Variants in PIAS4 observed in about 807,000 individuals in gnomAD.
PIAS4 encodes the protein E3 SUMO-protein ligase PIAS4.
Under a neutral mutation model 58.0 loss-of-function variants are expected in PIAS4, and 7 were observed. The ratio of observed to expected loss-of-function variants is 0.12; its 90% CI spans 0.07 to 0.23. The LOEUF is 0.23. Ranked by LOEUF, PIAS4 falls within the 10% of genes least tolerant of loss-of-function variation. The pLI is 1.00. For synonymous variants in PIAS4, 364 were observed against 312.4 expected (o/e 1.17, Z -1.74); for missense variants, 550 against 709.5 (o/e 0.78, Z 2.55).
rs531758105 is a variant in PIAS4, at chr19:4,016,301, C to T, written c.454+2952C>T. On this transcript the variant is annotated intron_variant, in intron 2 of 10. Transcript: ENST00000262971. ...GAGCTGCTCCTCCAGGGTCTTGGCC[C>T]GCAGCGGGCACCCCGAGGAATCTGC... 1.2e-4 allele frequency among the ~76,000 whole-genome samples: 19 copies of T among 152,350 alleles called. No homozygotes were observed. The South Asian group carries it at 3.1e-3, about 25-fold the overall frequency.
chr19:4,010,579 TC>T (rs1382020210), intron 1 of PIAS4, among the ~76,000 whole-genome samples: 1 of 152,338 alleles, frequency 6.6e-6, no homozygotes, highest in Admixed American at 6.5e-5. Context: ...ACCATGCAGG[TC>T]CCCATAGCCA....
intron 1 of PIAS4, among the ~76,000 whole-genome samples, chr19:4,011,777 G>T (rs1258815678): frequency 0.012 from 183 of 15,400 alleles, 18 homozygotes; most frequent in Middle Eastern, 0.05. Flanking sequence ...GAGGTGTGTG[G>T]GGTGTGGAGG....
At chr19:4,032,944 A>G (rs1291868497) in intron 7 of PIAS4, among the ~76,000 whole-genome samples, 156 bp from the exon 8 acceptor site, 6 of 152,062 alleles carry the variant, frequency 3.9e-5, no homozygotes, top group Admixed American at 3.3e-4. Flanking sequence ...GCTTTCTCCA[A>G]TCCCTCACGG....
intron 9 of PIAS4, 34 bp downstream of exon 9, chr19:4,033,614 C>T (rs755995611): frequency 6.4e-7 from 1 of 1,556,696 alleles, no homozygotes; most frequent in Non-Finnish European, 8.7e-7. Flanking sequence ...GCGGCCGGAG[C>T]CGGACATCCG....
rs137864303 is a variant in PIAS4 at position 4,028,955 on chromosome 19, G to A, written c.826G>A (p.Val276Met). The A allele has an allele frequency of 1.2e-6, 2 of 1,611,922 alleles. No homozygotes were observed. The highest frequency in any genetic ancestry group is 2.7e-5 in the African/African-American group (2 of 74,980). Reference protein sequence around the residue: ...GKSYSVALYLVRQLTSSELLQ... With the variant: ...GKSYSVALYLMRQLTSSELLQ... Reference sequence around the variant, plus strand: ...GAGCTACTCGGTGGCCCTGTACCTGGTGCGGCAGCTGACCTCATCGGAGCT... The same window carrying A: ...GAGCTACTCGGTGGCCCTGTACCTGATGCGGCAGCTGACCTCATCGGAGCT... The change falls in exon 7 of 11, where the codon GTG becomes ATG. Residue 276 changes from valine to methionine, a missense_variant. Val to Met is a conservative substitution (Grantham distance 21). Transcript: ENST00000262971.
chr19:4,013,168 C>T lies in PIAS4; in HGVS notation c.273C>T (p.Asp91=), dbSNP rs2040014718. The T allele has an allele frequency of 1.2e-6, 2 of 1,613,356 alleles. No individual in the cohort carries two copies. Among genetic ancestry groups the T allele is most frequent in the Non-Finnish European group, 1.7e-6 (2 of 1,180,026 alleles). Residue 91 remains aspartate, a synonymous_variant, in exon 2 of 11, where the codon GAC becomes GAT. Coordinates refer to ENST00000262971, the MANE Select transcript of PIAS4 (RefSeq NM_015897.4). This position sits in a 1 kb window ranked among gnomAD's most constrained non-coding sequence, Gnocchi z 5.1. ...CCCTGACCATGCACTCCACCTACGA[C>T]CGGGCCGGCGCTGTGCCCAGGACTC... ...LDPLTMHSTY[D]RAGAVPRTPL...
chr19:4,028,681 C>G (rs558418315), intron 5 of PIAS4, 39 bp from the exon 6 acceptor site: 2 of 1,603,448 alleles, frequency 1.2e-6, no homozygotes, highest in East Asian at 4.5e-5. Context: ...ATTTCCCAGC[C>G]GCTCTTGGCT....
chr19:4,025,250 GAC>G (rs1245568845), intron 3 of PIAS4, among the ~76,000 whole-genome samples: 1 of 152,180 alleles, frequency 6.6e-6, no homozygotes, highest in Non-Finnish European at 1.5e-5. Flanking sequence ...GATGTCCCCA[GAC>G]ACAGCTCGGT....
chr19:4,023,331 T>G (rs1568216045), intron 2 of PIAS4, among the ~76,000 whole-genome samples: 1 of 151,928 alleles, frequency 6.6e-6, no homozygotes, highest in African/African-American at 2.4e-5. Context: ...ATACAAAAAT[T>G]AGCCAGGCTT....
At chr19:4,027,208 G>A (rs1286981928) in intron 3 of PIAS4, among the ~76,000 whole-genome samples, 3 of 151,998 alleles carry the variant, frequency 2.0e-5, no homozygotes, top group African/African-American at 7.3e-5. Flanking sequence ...GGCTTGTCTC[G>A]AACTCCTGAC....
rs753390551 is a variant in PIAS4, at chr19:4,033,192, C to G, written c.981+19C>G. On this transcript the variant is annotated intron_variant, in intron 8 of 10. Transcript: ENST00000262971. ...CTGTCCGGTGAGTCGGGGCGCGGTC[C>G]CCTCCTCGAGGCCTCTCCTGCGGCC... is the stretch of plus-strand genomic sequence containing the variant. The G allele has an allele frequency of 6.2e-7, 1 of 1,601,066 alleles. No homozygotes were observed. The highest frequency in any genetic ancestry group is 1.1e-5 in the South Asian group (1 of 90,974).
intron 3 of PIAS4, among the ~76,000 whole-genome samples, chr19:4,024,519 G>A (rs114261866): frequency 0.026 from 3,886 of 152,286 alleles, 161 homozygotes; most frequent in African/African-American, 0.088. Context: ...CCTAGGGCAG[G>A]ATAACCCGGG....
intron 8 of PIAS4, 78 bp downstream of exon 8, chr19:4,033,251 G>C: frequency 6.9e-7 from 1 of 1,448,666 alleles, no homozygotes; most frequent in Non-Finnish European, 9.5e-7. Context: ...GGCCCGGGGC[G>C]GCTTGGCTGG....
At chr19:4,036,411 ACACATCCG>A (rs2040286973) in intron 9 of PIAS4, among the ~76,000 whole-genome samples, 1 of 137,530 alleles carries the variant, frequency 7.3e-6, no homozygotes, top group Non-Finnish European at 1.6e-5. Context: ...CCACACTGTC[ACACATCCG>A]TACAGTCCAC....
Position 4,013,415 on chromosome 19 carries a change from C to A in PIAS4, c.454+66C>A. On this transcript the variant is annotated intron_variant, in intron 2 of 10. Coordinates refer to ENST00000262971, the MANE Select transcript of PIAS4 (RefSeq NM_015897.4). This position sits in a 1 kb window ranked among gnomAD's most constrained non-coding sequence, Gnocchi z 5.1. ...CCTAGGCCCCGTCGCCCAGCCCAGC[C>A]CAGCCACACAGCCGACTTCGAGTGA... 1.4e-6 allele frequency: 2 copies of A among 1,413,836 alleles called. No homozygotes were observed. Among genetic ancestry groups the A allele is most frequent in the Non-Finnish European group, 2.0e-6 (2 of 1,024,940 alleles). The allele number at this position is 1,413,836 out of a possible 1,614,324, so 87.6% of individuals were successfully genotyped here.
At chr19:4,033,747 C>T (rs1057236972) in intron 9 of PIAS4, among the ~76,000 whole-genome samples, 167 bp downstream of exon 9, 1 of 152,140 alleles carries the variant, frequency 6.6e-6, no homozygotes, top group South Asian at 2.1e-4. Context: ...CGGTTTCTTT[C>T]TCGCGGAACT....
chr19:4,037,999 CT>C lies in PIAS4; in HGVS notation c.*128del. On this transcript the variant is annotated 3_prime_UTR_variant, in exon 11 of 11. Transcript: ENST00000262971. This position sits in a 1 kb window ranked among gnomAD's most constrained non-coding sequence, Gnocchi z 5.8. ...TTGTCGTTCGTTTTGTTTTTCCACC[CT>C]TTTGCCTGGCTCCTGGCACCTGTAC... The C allele has an allele frequency of 9.4e-7, 1 of 1,065,116 alleles. No homozygotes were observed. The highest frequency in any genetic ancestry group is 2.8e-5 in the Admixed American group (1 of 35,476). The allele number at this position is 1,065,116 out of a possible 1,614,324, so 66.0% of individuals were successfully genotyped here.
intron 9 of PIAS4, among the ~76,000 whole-genome samples, chr19:4,036,737 T>A (rs1395515838): frequency 6.9e-6 from 1 of 145,500 alleles, no homozygotes; most frequent in Non-Finnish European, 1.5e-5. Flanking sequence ...GTCCACACCA[T>A]CACATGCACA....
At chr19:4,031,484 T>A (rs895335) in intron 7 of PIAS4, among the ~76,000 whole-genome samples, 138,530 of 152,182 alleles carry the variant, frequency 0.91, 63,156 homozygotes, top group East Asian at 0.96. Context: ...GGGTTCTGTG[T>A]CCTGGGTTAC....
Sources: gnomAD v4.1 joint callset for allele counts (sites outside exome capture counted in the v4.1 genomes callset) on GRCh38, gnomAD v4.1.1 for gene constraint, Gnocchi (gnomAD v3.1) non-coding constraint, MANE v1.5 for transcripts, NCBI Gene and HGNC (gene_info 2026-07-23, HGNC 2026-07-21) for gene names.